Variants in DIPK1A observed in about 807,000 individuals in gnomAD.
The protein encoded by DIPK1A is divergent protein kinase domain 1A.
In DIPK1A, 27 loss-of-function variants were observed where a neutral mutation model predicts 40.8. The observed-to-expected ratio is 0.66, with a 90% CI of 0.49 to 0.91. The LOEUF is 0.91. DIPK1A is among the 40% of genes least tolerant of loss of function. The pLI is 0.00. For missense variants in DIPK1A, 412 were observed against 505.7 expected (o/e 0.81, Z 1.78); for synonymous variants, 166 against 171.3 (o/e 0.97, Z 0.24).
rs191497604 is a variant in DIPK1A, at chr1:92,923,243, A to G, written c.54+38133T>C. Among the ~76,000 whole-genome samples the G allele has an allele frequency of 1.4e-3, 215 of 152,230 alleles. 2 individuals carry two copies. The highest frequency in any genetic ancestry group is 5.0e-3 in the African/African-American group (208 of 41,542). ...AACCTCTGCCTCCTGGGTTCAAGTGATTCTGCTGCCTCAGCCTTCCGAGTA... is the reference window on the plus strand; with the variant it reads ...AACCTCTGCCTCCTGGGTTCAAGTGGTTCTGCTGCCTCAGCCTTCCGAGTA... On this transcript the variant is annotated intron_variant, in intron 1 of 4. Coordinates refer to ENST00000370310, the MANE Select transcript of DIPK1A (RefSeq NM_001006605.5).
At chr1:92,841,487 A>G (rs1051682399), downstream of DIPK1A, among the ~76,000 whole-genome samples, 146 of 152,200 alleles carry the variant, frequency 9.6e-4, no homozygotes, top group Non-Finnish European at 3.1e-4. Flanking sequence ...ACTGATTTCA[A>G]AACATTTGGG....
At chr1:92,894,200 A>C (rs1194066691) in intron 1 of DIPK1A, among the ~76,000 whole-genome samples, 2 of 152,164 alleles carry the variant, frequency 1.3e-5, no homozygotes, top group African/African-American at 4.8e-5. Flanking sequence ...CAGAATATAC[A>C]TTCTTTTCAG....
intron 1 of DIPK1A, among the ~76,000 whole-genome samples, chr1:92,926,788 A>C (rs1454565672): frequency 6.6e-6 from 1 of 152,236 alleles, no homozygotes; most frequent in Non-Finnish European, 1.5e-5. Context: ...CTTGAAGTCC[A>C]TCTTTTCCAT....
chr1:92,895,452 C>T lies in DIPK1A; in HGVS notation c.55-19022G>A, dbSNP rs529137701. Among the ~76,000 whole-genome samples the T allele has an allele frequency of 2.6e-3, 390 of 152,146 alleles. 5 individuals are homozygous for T. The highest frequency in any genetic ancestry group is 9.1e-3 in the African/African-American group (376 of 41,430). On this transcript the variant is annotated intron_variant, in intron 1 of 4. Coordinates refer to ENST00000370310, the MANE Select transcript of DIPK1A (RefSeq NM_001006605.5). ...AGAAAAGGCCTTTGACAAAATTCAA[C>T]AACCCTTCATGCTAAAAACTCTCAA...
chr1:92,916,905 G>A (rs775955924), intron 1 of DIPK1A, among the ~76,000 whole-genome samples: 5 of 152,070 alleles, frequency 3.3e-5, no homozygotes, highest in Non-Finnish European at 1.5e-5. Flanking sequence ...TTTTTCCTAT[G>A]TACTGGAAAA....
rs1650651932 is a variant in DIPK1A at position 92,929,361 on chromosome 1, T to G, written c.54+32015A>C. Among the ~76,000 whole-genome samples, 5 of 152,216 alleles carry G rather than the reference T, an allele frequency of 3.3e-5. No individual in the cohort carries two copies. In the South Asian group the frequency reaches 1.0e-3, roughly 32 times the overall value. On this transcript the variant is annotated intron_variant, in intron 1 of 4. Coordinates refer to ENST00000370310, the MANE Select transcript of DIPK1A (RefSeq NM_001006605.5). ...GCATCTGCTGAAAGCTCTTCTCCAT[T>G]CTTTTAGCTTCCACGTGCTGCTTTT...
intron 4 of DIPK1A, among the ~76,000 whole-genome samples, chr1:92,844,949 T>C (rs1348061184): frequency 1.5e-5 from 2 of 137,716 alleles, no homozygotes; most frequent in Non-Finnish European, 3.1e-5. Flanking sequence ...TCTTTTTTTT[T>C]TTTTTTTTTT....
At chr1:92,885,509 C>T (rs1049525845) in intron 1 of DIPK1A, among the ~76,000 whole-genome samples, 1 of 152,144 alleles carries the variant, frequency 6.6e-6, no homozygotes, top group Non-Finnish European at 1.5e-5. Flanking sequence ...GTGTGCACCA[C>T]CACACCCAGC....
intron 1 of DIPK1A, among the ~76,000 whole-genome samples, chr1:92,887,935 T>A (rs186731096): frequency 5.4e-4 from 81 of 151,266 alleles, no homozygotes; most frequent in Middle Eastern, 6.9e-3. Context: ...GTTACCTGAG[T>A]TTTTTTTTAA....
chr1:92,870,236 T>C (rs1486242540), intron 2 of DIPK1A, among the ~76,000 whole-genome samples: 1 of 152,208 alleles, frequency 6.6e-6, no homozygotes, highest in Non-Finnish European at 1.5e-5. Flanking sequence ...ATTTTAATTT[T>C]TATTTTGTAA....
intron 1 of DIPK1A, among the ~76,000 whole-genome samples, chr1:92,884,815 T>C (rs1043546303): frequency 6.6e-6 from 1 of 152,184 alleles, no homozygotes; most frequent in Admixed American, 6.5e-5. Context: ...TAGGGCAAAA[T>C]TTACTTGGAG....
In DIPK1A at chr1:92,927,490, A is replaced by T. The variant is rs1050755271; in HGVS notation, c.54+33886T>A. ...CCCAAGTGCTGGGATTACAGGCATG[A>T]GCCTCTGCACCTGGCCCAGTTCAAT... is the stretch of plus-strand genomic sequence containing the variant. On this transcript the variant is annotated intron_variant, in intron 1 of 4. Coordinates refer to ENST00000370310, the MANE Select transcript of DIPK1A (RefSeq NM_001006605.5). 2.0e-5 allele frequency among the ~76,000 whole-genome samples: 3 copies of T among 150,180 alleles called. No individual in the cohort carries two copies. The Admixed American group carries it at 2.0e-4, about 10-fold the overall frequency.
chr1:92,880,318 AT>A (rs1557466844), intron 1 of DIPK1A, among the ~76,000 whole-genome samples: 1 of 152,224 alleles, frequency 6.6e-6, no homozygotes, highest in African/African-American at 2.4e-5. Context: ...TAAAAATATA[AT>A]AACATCTGTC....
Position 92,927,361 on chromosome 1 carries a change from G to GT in DIPK1A, c.54+34014dup, listed in dbSNP as rs1238581039. ...AGGTGCATGCCACCATGCCAATTTT[G>GT]TTGTTTTTTTTTTTTTTTTTTTTTT... On this transcript the variant is annotated intron_variant, in intron 1 of 4. Coordinates refer to ENST00000370310, the MANE Select transcript of DIPK1A (RefSeq NM_001006605.5). Among the ~76,000 whole-genome samples, 64 of 71,552 alleles carry GT rather than the reference G, an allele frequency of 8.9e-4. 1 individual carries two copies. The highest frequency in any genetic ancestry group is 6.6e-3 in the South Asian group (15 of 2,270). The allele number at this position is 71,552 out of a possible 152,430, so 46.9% of individuals were successfully genotyped here.
At position 92,866,891 on chromosome 1, in the gene DIPK1A, C is replaced by A. The variant is rs141967443; in HGVS notation, c.189+9405G>T. On this transcript the variant is annotated intron_variant, in intron 2 of 4. Coordinates refer to ENST00000370310, the MANE Select transcript of DIPK1A (RefSeq NM_001006605.5). Reference sequence around the variant, plus strand: ...CACAACTGTATAAACCAACTCCTTACAATAAATCTCTTTATATCACTTTTG... The same window carrying A: ...CACAACTGTATAAACCAACTCCTTAAAATAAATCTCTTTATATCACTTTTG... Among the ~76,000 whole-genome samples the A allele has an allele frequency of 8.0e-4, 122 of 152,328 alleles. 2 individuals carry two copies. In the East Asian group the frequency reaches 0.021, roughly 26 times the overall value.
intron 2 of DIPK1A, among the ~76,000 whole-genome samples, chr1:92,855,626 C>G (rs1687964530): frequency 6.6e-6 from 1 of 151,396 alleles, no homozygotes; most frequent in African/African-American, 2.4e-5. Flanking sequence ...ATCCCTTGAA[C>G]CCATGAGGTT....
chr1:92,926,206 C>T lies in DIPK1A; in HGVS notation c.54+35170G>A, dbSNP rs541414850. 3.3e-5 allele frequency among the ~76,000 whole-genome samples: 5 copies of T among 152,290 alleles called. No individual in the cohort carries two copies. In the South Asian group the frequency reaches 1.0e-3, roughly 32 times the overall value. ...TGAACAATTAAAGCTATAAATTTCT[C>T]TGTAAGCAGTGCTTTAACTGCATCC... On this transcript the variant is annotated intron_variant, in intron 1 of 4. Coordinates refer to ENST00000370310, the MANE Select transcript of DIPK1A (RefSeq NM_001006605.5).
At chr1:92,880,607 G>A (rs770702228) in intron 1 of DIPK1A, among the ~76,000 whole-genome samples, 5 of 152,096 alleles carry the variant, frequency 3.3e-5, no homozygotes, top group Non-Finnish European at 7.4e-5. Context: ...GGTGGCTCAC[G>A]CCTGTTATCC....
chr1:92,878,214 A>T (rs1478390860), intron 1 of DIPK1A, among the ~76,000 whole-genome samples: 3 of 152,210 alleles, frequency 2.0e-5, no homozygotes, highest in African/African-American at 7.2e-5. Flanking sequence ...CAAATAAATT[A>T]CAAGAAGGGA....
Sources: gnomAD v4.1 joint callset for allele counts (sites outside exome capture counted in the v4.1 genomes callset) on GRCh38, gnomAD v4.1.1 for gene constraint, MANE v1.5 for transcripts, NCBI Gene and HGNC (gene_info 2026-07-23, HGNC 2026-07-21) for gene names.